The following SSH2 variants were observed in gnomAD, a reference collection of about 807,000 sequenced individuals.
The protein encoded by SSH2 is protein phosphatase Slingshot homolog 2.
Under a neutral mutation model 135.2 loss-of-function variants are expected in SSH2, and 37 were observed. The observed-to-expected ratio is 0.27, with a 90% CI of 0.21 to 0.36. The LOEUF is 0.36. SSH2 is among the 10% of genes least tolerant of loss of function. The probability of loss-of-function intolerance (pLI) is 1.00; values close to 1 mark genes in which losing one functional copy is unlikely to be tolerated. For missense variants in SSH2, 1,408 were observed against 1,765.3 expected (o/e 0.80, Z 3.63); for synonymous variants, 628 against 646.2 (o/e 0.97, Z 0.43).
chr17:29,838,433 C>T (rs1021143756), intron 2 of SSH2, among the ~76,000 whole-genome samples: 3 of 152,224 alleles, frequency 2.0e-5, no homozygotes, highest in Non-Finnish European at 4.4e-5. Flanking sequence ...GAAGTCCCAC[C>T]TGCAAGCCAC....
chr17:29,767,637 A>G (rs1351548656), intron 3 of SSH2, among the ~76,000 whole-genome samples: 1 of 151,570 alleles, frequency 6.6e-6, no homozygotes, highest in Non-Finnish European at 1.5e-5. Flanking sequence ...ACGCACACAC[A>G]CACACACACA....
At chr17:29,770,769 G>A (rs191994326) in intron 3 of SSH2, among the ~76,000 whole-genome samples, 151 of 152,194 alleles carry the variant, frequency 9.9e-4, no homozygotes, top group African/African-American at 3.4e-3. Context: ...CACCGTGCCC[G>A]GCCCAAGTCT....
At chr17:29,777,947 TCAG>T (rs946715371) in intron 3 of SSH2, among the ~76,000 whole-genome samples, 1 of 152,024 alleles carries the variant, frequency 6.6e-6, no homozygotes, top group African/African-American at 2.4e-5. Flanking sequence ...TTCTTGACTG[TCAG>T]CTCTTTCCCC....
intron 1 of SSH2, among the ~76,000 whole-genome samples, chr17:29,868,749 A>C (rs1388808786): frequency 6.6e-6 from 1 of 151,750 alleles, no homozygotes; most frequent in African/African-American, 2.4e-5. Flanking sequence ...AAAAAAAAAA[A>C]AAAAACTCAG....
rs2035536535 is a variant in SSH2, at chr17:29,627,631, T to G, written c.*3210A>C. ...ACTAAAGATCCTGAAGAGACTAAGA[T>G]GATAGGAATGATCCCAAACATTTAG... is the stretch of plus-strand genomic sequence containing the variant. On this transcript the variant is annotated 3_prime_UTR_variant, in exon 16 of 16. Coordinates refer to ENST00000540801, the MANE Select transcript of SSH2 (RefSeq NM_001282129.2). 6.5e-6 allele frequency: 1 copy of G among 152,732 alleles called. No individual in the cohort carries two copies. The highest frequency in any genetic ancestry group is 6.5e-5 in the Admixed American group (1 of 15,284). 9.5% of individuals were successfully genotyped at this position (152,732 alleles called of 1,614,324 possible).
At chr17:29,883,688 G>A (rs553742423) in intron 1 of SSH2, among the ~76,000 whole-genome samples, 12 of 152,190 alleles carry the variant, frequency 7.9e-5, no homozygotes, top group Non-Finnish European at 8.8e-5. Context: ...TTCCTGGACA[G>A]CCTAACTTCT....
intron 3 of SSH2, chr17:29,761,549 G>A (rs1012166584): frequency 7.9e-6 from 4 of 507,876 alleles, no homozygotes; most frequent in Admixed American, 6.4e-5. Context: ...ACGCCCGCGC[G>A]GATCCCGCAG....
At chr17:29,667,827 C>A (rs1354910132) in intron 9 of SSH2, among the ~76,000 whole-genome samples, 1 of 152,166 alleles carries the variant, frequency 6.6e-6, no homozygotes, top group Non-Finnish European at 1.5e-5. Flanking sequence ...GGCAGGAGAA[C>A]TACAACGCTC....
chr17:29,839,232 G>A (rs1300873920), intron 2 of SSH2: 1 of 152,424 alleles, frequency 6.6e-6, no homozygotes, highest in African/African-American at 2.4e-5. Flanking sequence ...ACAGTGGCTG[G>A]ACCCTTGCTT....
At chr17:29,823,598 G>A (rs2042691802) in intron 2 of SSH2, among the ~76,000 whole-genome samples, 1 of 152,014 alleles carries the variant, frequency 6.6e-6, no homozygotes, top group Non-Finnish European at 1.5e-5. Flanking sequence ...TCCACACTGG[G>A]GTCGGGTGCG....
At chr17:29,742,055 C>G (rs1167861651) in intron 3 of SSH2, among the ~76,000 whole-genome samples, 1 of 150,162 alleles carries the variant, frequency 6.7e-6, no homozygotes, top group Non-Finnish European at 1.5e-5. Flanking sequence ...CTGCCTCAGG[C>G]TTCCAAATAG....
intron 2 of SSH2, chr17:29,838,903 G>T: frequency 5.7e-6 from 1 of 174,424 alleles, no homozygotes. Flanking sequence ...ACACAAACAG[G>T]GCTGAAACGT....
At chr17:29,856,016 C>T (rs993113937) in intron 1 of SSH2, 1 of 393,842 alleles carries the variant, frequency 2.5e-6, no homozygotes, top group South Asian at 2.0e-5. Context: ...CACTGGGCTT[C>T]CATTACAAGA....
chr17:29,648,247 G>A lies in SSH2; in HGVS notation c.1324C>T (p.Leu442=), dbSNP rs1323538502. ...TTCACATAGTCATAGGCTCGGTCCA[G>A]ATTCCAGCCATATTCCTTCATTGCA... The part of the protein sequence containing the change: ...AYAMKEYGWN[L]DRAYDYVKER... The change falls in exon 14 of 16, where the codon CTG becomes TTG. Residue 442 remains leucine, a synonymous_variant. Coordinates refer to ENST00000540801, the MANE Select transcript of SSH2 (RefSeq NM_001282129.2). 6.2e-7 allele frequency: 1 copy of A among 1,614,062 alleles called. No homozygotes were observed. The highest frequency in any genetic ancestry group is 8.5e-7 in the Non-Finnish European group (1 of 1,180,040).
At chr17:29,664,131 C>T (rs917180834) in intron 11 of SSH2, among the ~76,000 whole-genome samples, 81 of 152,128 alleles carry the variant, frequency 5.3e-4, no homozygotes, top group African/African-American at 1.9e-3. Context: ...CCTGTAATCC[C>T]GGCACTTTGG....
At chr17:29,914,144 A>T (rs1044660003) in intron 1 of SSH2, among the ~76,000 whole-genome samples, 1 of 152,172 alleles carries the variant, frequency 6.6e-6, no homozygotes, top group African/African-American at 2.4e-5. Flanking sequence ...TACAAAGCAG[A>T]CCTTACAAGT....
At chr17:29,916,960 G>A (rs1164103627) in intron 1 of SSH2, among the ~76,000 whole-genome samples, 6 of 151,662 alleles carry the variant, frequency 4.0e-5, no homozygotes, top group Non-Finnish European at 7.4e-5. Flanking sequence ...CTGCATGGAG[G>A]TGTCTTCTTT....
At chr17:29,652,629 A>C (rs763112772) in intron 12 of SSH2, among the ~76,000 whole-genome samples, 5 of 152,132 alleles carry the variant, frequency 3.3e-5, no homozygotes, top group Non-Finnish European at 7.4e-5. Context: ...AAGACAGGCA[A>C]CACACTTTCC....
At chr17:29,635,468 A>G (rs1388581966) in intron 15 of SSH2, among the ~76,000 whole-genome samples, 1 of 151,570 alleles carries the variant, frequency 6.6e-6, no homozygotes, top group Non-Finnish European at 1.5e-5. Flanking sequence ...GCAGTGGCAC[A>G]ATCTCGGCTC....
Sources: allele counts gnomAD v4.1 joint callset (sites outside exome capture counted in the v4.1 genomes callset), GRCh38; gene constraint gnomAD v4.1.1; transcripts MANE v1.5; gene names NCBI Gene and HGNC (gene_info 2026-07-23, HGNC 2026-07-21).